The following CADPS variants were observed in gnomAD, a reference collection of about 807,000 sequenced individuals.
CADPS encodes calcium-dependent secretion activator 1.
A neutral mutation model predicts 167.3 loss-of-function variants in CADPS; 57 were observed. The observed-to-expected ratio is 0.34, with a 90% CI of 0.28 to 0.42. The LOEUF is 0.42. Among genes scored for constraint, CADPS ranks in the 20% least tolerant of loss-of-function variants. The probability of loss-of-function intolerance (pLI) is 1.00; values close to 1 mark genes in which losing one functional copy is unlikely to be tolerated. For missense variants in CADPS, 1,414 were observed against 1,738.1 expected, an observed-to-expected ratio of 0.81 and a Z score of 3.32; for synonymous variants, 676 against 635.3, an observed-to-expected ratio of 1.06 and a Z score of -0.96.
intron 1 of CADPS, among the ~76,000 whole-genome samples, chr3:62,831,094 C>T (rs2074993695): frequency 6.6e-6 from 1 of 152,140 alleles, no homozygotes; most frequent in Non-Finnish European, 1.5e-5. Flanking sequence ...GGGAGGAGTG[C>T]ATGGACCTCT....
intron 1 of CADPS, among the ~76,000 whole-genome samples, chr3:62,835,854 A>T (rs1394179048): frequency 6.6e-6 from 1 of 152,232 alleles, no homozygotes; most frequent in Non-Finnish European, 1.5e-5. Flanking sequence ...TGTTTACATT[A>T]AATTATTTTT....
chr3:62,585,672 G>A (rs1490759334), intron 7 of CADPS, among the ~76,000 whole-genome samples: 1 of 152,140 alleles, frequency 6.6e-6, no homozygotes. Context: ...GAAGAAATAT[G>A]CTTATATATT....
At chr3:62,790,018 C>T (rs973676786) in intron 1 of CADPS, among the ~76,000 whole-genome samples, 1 of 151,792 alleles carries the variant, frequency 6.6e-6, no homozygotes, top group Non-Finnish European at 1.5e-5. Context: ...CTTTTAGGTA[C>T]ATGAATACAA....
intron 1 of CADPS, among the ~76,000 whole-genome samples, chr3:62,849,996 T>G (rs1258847615): frequency 8.4e-6 from 1 of 119,484 alleles, no homozygotes; most frequent in Non-Finnish European, 1.8e-5. Context: ...TCTTCCTGGT[T>G]TAGTCTTGGG....
At chr3:62,519,352 C>G (rs2069834488) in intron 13 of CADPS, among the ~76,000 whole-genome samples, 1 of 152,214 alleles carries the variant, frequency 6.6e-6, no homozygotes, top group Non-Finnish European at 1.5e-5. Flanking sequence ...CTAGACCAGT[C>G]TGACTGCACA....
chr3:62,628,770 G>A (rs1247027942), intron 6 of CADPS, among the ~76,000 whole-genome samples: 3 of 151,874 alleles, frequency 2.0e-5, no homozygotes, highest in Non-Finnish European at 4.4e-5. Context: ...GGGACCACAG[G>A]TGCCCGCCAC....
intron 3 of CADPS, among the ~76,000 whole-genome samples, chr3:62,696,172 T>C (rs557405453): frequency 3.9e-5 from 6 of 152,000 alleles, no homozygotes; most frequent in Non-Finnish European, 8.8e-5. Context: ...CTGGGTGACA[T>C]TGGGGCCAGG....
chr3:62,823,484 T>C (rs904087774), intron 1 of CADPS, among the ~76,000 whole-genome samples: 3 of 152,156 alleles, frequency 2.0e-5, no homozygotes, highest in African/African-American at 7.2e-5. Flanking sequence ...GATTTTTAAA[T>C]GAGTTTTTAA....
At chr3:62,632,107 T>C (rs889440339) in intron 6 of CADPS, among the ~76,000 whole-genome samples, 1 of 152,190 alleles carries the variant, frequency 6.6e-6, no homozygotes, top group Non-Finnish European at 1.5e-5. Context: ...TAGGAATTGA[T>C]GCAAAAGGAA....
chr3:62,776,242 G>A (rs1477359305), intron 1 of CADPS, among the ~76,000 whole-genome samples: 1 of 152,132 alleles, frequency 6.6e-6, no homozygotes, highest in African/African-American at 2.4e-5. Flanking sequence ...GAATATAATA[G>A]GCAGAGAACA....
intron 1 of CADPS, among the ~76,000 whole-genome samples, chr3:62,798,193 G>A (rs1357975172): frequency 1.3e-5 from 2 of 152,148 alleles, no homozygotes; most frequent in African/African-American, 2.4e-5. Context: ...TGTGAGGGTG[G>A]TGCCAAAGGA....
intron 18 of CADPS, among the ~76,000 whole-genome samples, chr3:62,498,317 T>C (rs1363299748): frequency 1.3e-5 from 2 of 152,218 alleles, no homozygotes; most frequent in African/African-American, 2.4e-5. Context: ...TTTTAGGTAC[T>C]TGAGAAATTA....
At chr3:62,644,870 C>A (rs1453362303) in intron 6 of CADPS, among the ~76,000 whole-genome samples, 1 of 152,194 alleles carries the variant, frequency 6.6e-6, no homozygotes, top group Non-Finnish European at 1.5e-5. Flanking sequence ...CATTCTTTGT[C>A]AGCATTTATA....
intron 3 of CADPS, among the ~76,000 whole-genome samples, chr3:62,701,402 T>C (rs542623010): frequency 1.3e-5 from 2 of 152,180 alleles, no homozygotes; most frequent in South Asian, 4.1e-4. Context: ...GCACTGCTTC[T>C]GGACTATGAC....
intron 13 of CADPS, among the ~76,000 whole-genome samples, chr3:62,519,580 C>G (rs1332530798): frequency 1.3e-5 from 2 of 152,102 alleles, no homozygotes; most frequent in African/African-American, 4.8e-5. Flanking sequence ...AGGTTGCCTT[C>G]AAATTCTCTG....
chr3:62,478,685 T>C lies in CADPS; in HGVS notation c.3174-269A>G, dbSNP rs1234822904. Among the ~76,000 whole-genome samples the C allele has an allele frequency of 6.6e-6, 1 of 152,204 alleles. No homozygotes were observed. Among genetic ancestry groups the C allele is most frequent in the Admixed American group, 6.5e-5 (1 of 15,274 alleles). On this transcript the variant is annotated intron_variant, in intron 22 of 29. Transcript: ENST00000383710. The surrounding 1 kb of genome is among the most constrained non-coding windows in gnomAD (Gnocchi z 5.7). ...CCATAACAACCAGGAGAATGGTGTA[T>C]GGTAAAAATCAGCCTTCTTTTAATA...
In CADPS at chr3:62,592,558, C is replaced by T. The variant is rs550531653; in HGVS notation, c.1437+79G>A. On this transcript the variant is annotated intron_variant, in intron 7 of 29. Transcript: ENST00000383710. ...GCCTCTCAGCACTTGGCAATGCTGC[C>T]TCTTGGTGACCTGTGCACTGGAGAC... The T allele has an allele frequency of 1.5e-5, 16 of 1,043,832 alleles. No homozygotes were observed. The South Asian group carries it at 1.8e-4, about 12-fold the overall frequency. 64.7% of individuals were successfully genotyped at this position (1,043,832 alleles called of 1,614,324 possible). A position where few individuals can be genotyped will look rare whatever the true frequency, so the allele number is the denominator to read the frequency against.
chr3:62,502,739 C>T (rs758166768), intron 17 of CADPS, among the ~76,000 whole-genome samples: 5 of 152,054 alleles, frequency 3.3e-5, no homozygotes, highest in Non-Finnish European at 5.9e-5. Context: ...TGAAAGTTTA[C>T]GGTACTTGAT....
rs924211790 is a variant in CADPS, at chr3:62,458,003, C to A, written c.3636+7364G>T. ...GTAGATGACGGGTTGATGGGTGCAG[C>A]AAACCACCATGGCACATGTATACCT... is the stretch of plus-strand genomic sequence containing the variant. On this transcript the variant is annotated intron_variant, in intron 26 of 29. Transcript: ENST00000383710. This position sits in a 1 kb window ranked among gnomAD's most constrained non-coding sequence, Gnocchi z 4.6. Among the ~76,000 whole-genome samples, 3 of 152,080 alleles carry A rather than the reference C, an allele frequency of 2.0e-5. No homozygotes were observed. Among genetic ancestry groups the A allele is most frequent in the Non-Finnish European group, 4.4e-5 (3 of 68,000 alleles).
Sources: allele counts gnomAD v4.1 joint callset (sites outside exome capture counted in the v4.1 genomes callset), GRCh38; gene constraint gnomAD v4.1.1; non-coding constraint Gnocchi (gnomAD v3.1); transcripts MANE v1.5; gene names NCBI Gene and HGNC (gene_info 2026-07-23, HGNC 2026-07-21).